The following FBXO38 variants were observed in gnomAD, a reference collection of about 807,000 sequenced individuals.
FBXO38 encodes F-box only protein 38.
A neutral mutation model predicts 131.9 loss-of-function variants in FBXO38; 53 were observed. The ratio of observed to expected loss-of-function variants is 0.40; its 90% CI spans 0.32 to 0.51. The LOEUF (loss-of-function observed/expected upper bound fraction) is 0.51. FBXO38 is among the 20% of genes least tolerant of loss of function. FBXO38 has a pLI of 0.53. For missense variants in FBXO38, 1,076 were observed against 1,475.6 expected, an observed-to-expected ratio of 0.73 and a Z score of 4.44; for synonymous variants, 452 against 505.6, an observed-to-expected ratio of 0.89 and a Z score of 1.42.
Position 148,417,048 on chromosome 5 carries a change from C to T in FBXO38, c.1462C>T (p.Leu488Phe). The change falls in exon 12 of 22, where the codon CTT becomes TTT. Residue 488 changes from leucine (L) to phenylalanine (F), a missense_variant. Coordinates refer to ENST00000340253, the MANE Select transcript of FBXO38 (RefSeq NM_205836.3). ...AGTGIGVSSA[L>F]VSNQNSNNDD... Reference sequence around the variant, plus strand: ...CACAGGAATTGGTGTTTCATCAGCTCTTGTTAGCAACCAGAACTCCAACAA... The same window carrying T: ...CACAGGAATTGGTGTTTCATCAGCTTTTGTTAGCAACCAGAACTCCAACAA... 1.9e-6 allele frequency: 3 copies of T among 1,613,886 alleles called. No homozygotes were observed. Among genetic ancestry groups the T allele is most frequent in the Non-Finnish European group, 2.5e-6 (3 of 1,179,846 alleles).
chr5:148,432,097 T>C (rs1754072455), intron 15 of FBXO38, among the ~76,000 whole-genome samples: 2 of 152,208 alleles, frequency 1.3e-5, no homozygotes, highest in South Asian at 4.1e-4. Context: ...GATTACAGAA[T>C]TACTGATAGT....
intron 5 of FBXO38, among the ~76,000 whole-genome samples, chr5:148,402,751 C>T (rs1406250339): frequency 6.6e-6 from 1 of 152,082 alleles, no homozygotes; most frequent in Non-Finnish European, 1.5e-5. Flanking sequence ...AATTATATAC[C>T]AGTAACTTCA....
At chr5:148,404,986 A>G (rs973471162) in intron 6 of FBXO38, among the ~76,000 whole-genome samples, 164 bp downstream of exon 6, 1 of 151,596 alleles carries the variant, frequency 6.6e-6, no homozygotes, top group Admixed American at 6.6e-5. Context: ...TTTTAAAGAC[A>G]TTAGAAAGAT....
rs371038972 is a variant in FBXO38 at position 148,433,800 on chromosome 5, A to G, written c.2857+63A>G. On this transcript the variant is annotated intron_variant, in intron 17 of 21. Coordinates refer to ENST00000340253, the MANE Select transcript of FBXO38 (RefSeq NM_205836.3). ...AATGAGTTAAAAGAATTAGGAACTC[A>G]TAAATACTGTAATAGCATTACTGTC... 29 of 868,226 alleles carry G rather than the reference A, an allele frequency of 3.3e-5. No homozygotes were observed. In the East Asian group the frequency reaches 7.2e-4, roughly 22 times the overall value. The allele number at this position is 868,226 out of a possible 1,614,324, so 53.8% of individuals were successfully genotyped here. A position where few individuals can be genotyped will look rare whatever the true frequency, so the allele number is the denominator to read the frequency against.
rs754331887 is a variant in FBXO38, at chr5:148,442,053, G to T, written c.3473G>T (p.Arg1158Leu). The T allele has an allele frequency of 2.5e-6, 4 of 1,614,042 alleles. No individual in the cohort carries two copies. The highest frequency in any genetic ancestry group is 2.5e-6 in the Non-Finnish European group (3 of 1,179,938). ...ATAGGAGAGGAAATTTCAGAGATGCGTCAGATGAAGAAGGGTGTATTTCAG... is the reference window on the plus strand; with the variant it reads ...ATAGGAGAGGAAATTTCAGAGATGCTTCAGATGAAGAAGGGTGTATTTCAG... ...ETIGEEISEM[R>L]QMKKGVFQRV... is the part of the protein sequence containing the mutation. The change falls in exon 22 of 22, where the codon CGT becomes CTT. Residue 1158 changes from arginine (R) to leucine (L), a missense_variant. Around this residue, in one of 8 missense-constraint regions of FBXO38, gnomAD observed 282 missense variants for 418.8 expected, o/e 0.67. Transcript: ENST00000340253.
Position 148,410,748 on chromosome 5 carries a change from A to G in FBXO38, c.1076A>G (p.Asp359Gly). 1 of 1,612,178 alleles carries G rather than the reference A, an allele frequency of 6.2e-7. No individual in the cohort carries two copies. The highest frequency in any genetic ancestry group is 8.5e-7 in the Non-Finnish European group (1 of 1,179,486). Reference protein sequence around the residue: ...QFETLHLGYVDEFLLQSRMAN... With the variant: ...QFETLHLGYVGEFLLQSRMAN... ...GAAACCCTTCATCTAGGATATGTAG[A>G]TGAGTTTTTGCTACAGAGTAAGATT... The change falls in exon 9 of 22, where the codon GAT becomes GGT. Residue 359 changes from aspartate to glycine, a missense_variant. By Grantham distance (94) the Asp-to-Gly change is moderately conservative. Transcript: ENST00000340253.
chr5:148,415,780 A>T, intron 10 of FBXO38, 148 bp from the exon 11 acceptor site: 1 of 743,916 alleles, frequency 1.3e-6, no homozygotes, highest in Non-Finnish European at 2.2e-6. Flanking sequence ...ATCATAATTT[A>T]GAATCATCGG....
chr5:148,401,734 A>G (rs1024867370), intron 3 of FBXO38, among the ~76,000 whole-genome samples: 1 of 152,196 alleles, frequency 6.6e-6, no homozygotes, highest in Non-Finnish European at 1.5e-5. Context: ...TAAAAGCAAC[A>G]AAAACCAAAA....
In FBXO38 at chr5:148,433,663, T is replaced by C. The variant is rs745799695; in HGVS notation, c.2783T>C (p.Val928Ala). Reference sequence around the variant, plus strand: ...CTTGTATTAAAATCCAAGAATCTTGTTGGAGTCACTATGACCAATTGTGGA... The same window carrying C: ...CTTGTATTAAAATCCAAGAATCTTGCTGGAGTCACTATGACCAATTGTGGA... The part of the protein sequence containing the change: ...QVLVLKSKNL[V>A]GVTMTNCGIT... Residue 928 changes from valine to alanine, a missense_variant, in exon 17 of 22, where the codon GTT becomes GCT. Around this residue, in one of 8 missense-constraint regions of FBXO38, gnomAD observed 282 missense variants for 418.8 expected, o/e 0.67. Coordinates refer to ENST00000340253, the MANE Select transcript of FBXO38 (RefSeq NM_205836.3). The C allele has an allele frequency of 1.2e-5, 20 of 1,608,538 alleles. No homozygotes were observed. Among genetic ancestry groups the C allele is most frequent in the Non-Finnish European group, 1.7e-5 (20 of 1,177,996 alleles).
chr5:148,403,632 C>T (rs557872595), intron 5 of FBXO38, among the ~76,000 whole-genome samples: 1 of 152,200 alleles, frequency 6.6e-6, no homozygotes, highest in East Asian at 1.9e-4. Context: ...TGTTGCTATA[C>T]AATGTGTGTG....
intron 17 of FBXO38, 133 bp downstream of exon 17, chr5:148,433,870 G>A (rs988670460): frequency 3.9e-6 from 2 of 517,552 alleles, no homozygotes; most frequent in Non-Finnish European, 6.9e-6. Flanking sequence ...CTTTAGTTCC[G>A]CCTTTGTTCT....
intron 1 of FBXO38, among the ~76,000 whole-genome samples, chr5:148,391,456 A>G (rs74561819): frequency 0.017 from 2,593 of 152,324 alleles, 72 homozygotes; most frequent in East Asian, 0.069. Context: ...CAGAGGACTT[A>G]CATTTAAGCT....
intron 1 of FBXO38, among the ~76,000 whole-genome samples, chr5:148,387,622 ATT>A (rs1433679922): frequency 3.3e-5 from 5 of 151,840 alleles, no homozygotes; most frequent in African/African-American, 1.2e-4. Context: ...AAGGTTTTGA[ATT>A]TAGTTTGCCC....
chr5:148,396,443 G>T (rs1400084195), intron 2 of FBXO38, among the ~76,000 whole-genome samples: 1 of 152,080 alleles, frequency 6.6e-6, no homozygotes, highest in African/African-American at 2.4e-5. Flanking sequence ...ATTCAGCAAT[G>T]ATGTCTCAAC....
intron 17 of FBXO38, 154 bp downstream of exon 17, chr5:148,433,891 T>G: frequency 2.1e-6 from 1 of 486,140 alleles, no homozygotes; most frequent in Non-Finnish European, 3.7e-6. Context: ...AGTTCTCAAA[T>G]TATTACTCCA....
intron 9 of FBXO38, chr5:148,413,454 CAG>C (rs896127501): frequency 1.1e-4 from 17 of 152,160 alleles, no homozygotes; most frequent in Admixed American, 9.2e-4. Context: ...TATGAACTAA[CAG>C]AATCTTGGAG....
intron 18 of FBXO38, 39 bp from the exon 19 acceptor site, chr5:148,439,606 TTC>T (rs1356771054): frequency 1.3e-6 from 2 of 1,579,092 alleles, no homozygotes; most frequent in African/African-American, 2.7e-5. Flanking sequence ...TTCTAAGGCA[TTC>T]TCTTTGTTGA....
Position 148,406,372 on chromosome 5 carries a change from T to C in FBXO38, c.846T>C (p.Val282=). ...TCCTTGGAGGTCTTATCCAACATGT[T>C]GTTGAAGACAGTTGGAGATCAGGTA... The part of the protein sequence containing the change: ...VPFLGGLIQH[V]VEDSWRSGGF... The change falls in exon 7 of 22, where the codon GTT becomes GTC. Residue 282 remains valine, a synonymous_variant. Transcript: ENST00000340253. 2 of 1,586,506 alleles carry C rather than the reference T, an allele frequency of 1.3e-6. No homozygotes were observed. Among genetic ancestry groups the C allele is most frequent in the Non-Finnish European group, 1.7e-6 (2 of 1,168,546 alleles).
rs976766540 is a variant in FBXO38 at position 148,427,345 on chromosome 5, A to G, written c.2051A>G (p.Asp684Gly). Reference sequence around the variant, plus strand: ...GTCACCAGTGAGCAGATCAAAGCCGATATGAAAGCAGCTAGGGATATTCCT... The same window carrying G: ...GTCACCAGTGAGCAGATCAAAGCCGGTATGAAAGCAGCTAGGGATATTCCT... ...CQVTSEQIKADMKAARDIPEK... is the reference protein window; with the variant it reads ...CQVTSEQIKAGMKAARDIPEK... The change falls in exon 15 of 22, where the codon GAT becomes GGT. Residue 684 changes from aspartate to glycine, a missense_variant. Physicochemically the swap from Asp to Gly is moderately conservative, Grantham distance 94. Around this residue, in one of 8 missense-constraint regions of FBXO38, gnomAD observed 213 missense variants for 225.2 expected, o/e 0.95. Transcript: ENST00000340253. The G allele has an allele frequency of 6.2e-7, 1 of 1,614,082 alleles. No individual in the cohort carries two copies. The highest frequency in any genetic ancestry group is 8.5e-7 in the Non-Finnish European group (1 of 1,180,042).
Sources: gnomAD v4.1 joint callset for allele counts (sites outside exome capture counted in the v4.1 genomes callset) on GRCh38, gnomAD v4.1.1 for gene constraint, gnomAD v4.1.1 regional missense constraint, MANE v1.5 for transcripts, NCBI Gene and HGNC (gene_info 2026-07-23, HGNC 2026-07-21) for gene names.